Variants in HCK observed in about 807,000 individuals in gnomAD.
HCK encodes HCK proto-oncogene, Src family tyrosine kinase.
HCK carries 40 observed loss-of-function variants against 70.4 expected under a neutral mutation model. The ratio of observed to expected loss-of-function variants is 0.57; its 90% confidence interval spans 0.44 to 0.74. The LOEUF is 0.74. Among genes scored for constraint, HCK ranks in the 30% least tolerant of loss-of-function variants. HCK has a pLI of 0.00. For synonymous variants in HCK, 245 were observed against 263.2 expected (o/e 0.93, Z 0.67); for missense variants, 568 against 697.2 (o/e 0.81, Z 2.09).
chr20:32,071,646 C>T lies in HCK; in HGVS notation c.63-16C>T. The stretch of plus-strand genomic sequence containing the variant: ...CTCTTGGTAACTGGGGCTCACCTCC[C>T]TTCTGTCTGCTGCAGGATGGGGTGC... On this transcript the variant is annotated splice_polypyrimidine_tract_variant and intron_variant, in intron 1 of 12. Transcript: ENST00000375852. The T allele has an allele frequency of 1.9e-6, 3 of 1,612,704 alleles. No homozygotes were observed. Among genetic ancestry groups the T allele is most frequent in the Non-Finnish European group, 2.5e-6 (3 of 1,179,224 alleles).
At chr20:32,060,343 C>G (rs1381547514) in intron 1 of HCK, among the ~76,000 whole-genome samples, 3 of 152,172 alleles carry the variant, frequency 2.0e-5, no homozygotes, top group African/African-American at 7.2e-5. Context: ...GCCTTAGCCT[C>G]CCAAGTAGCT....
chr20:32,063,488 A>G (rs1282447957), intron 1 of HCK, among the ~76,000 whole-genome samples: 2 of 151,940 alleles, frequency 1.3e-5, no homozygotes, highest in Admixed American at 6.6e-5. Flanking sequence ...GCTCAAAGCA[A>G]TCCTCCCACC....
intron 12 of HCK, among the ~76,000 whole-genome samples, chr20:32,100,813 G>A (rs1224832326): frequency 6.6e-6 from 1 of 152,162 alleles, no homozygotes; most frequent in African/African-American, 2.4e-5. Flanking sequence ...CACAATAGAC[G>A]CTGAATCCAT....
chr20:32,068,962 T>G (rs1185535562), intron 1 of HCK, among the ~76,000 whole-genome samples: 1 of 152,010 alleles, frequency 6.6e-6, no homozygotes, highest in East Asian at 1.9e-4. Flanking sequence ...AATCACACTT[T>G]ATTGTGCAAA....
At chr20:32,069,263 C>A (rs926658053) in intron 1 of HCK, among the ~76,000 whole-genome samples, 1 of 152,216 alleles carries the variant, frequency 6.6e-6, no homozygotes, top group Non-Finnish European at 1.5e-5. Flanking sequence ...GAACACAGGT[C>A]TTCTGAGACC....
intron 1 of HCK, among the ~76,000 whole-genome samples, chr20:32,069,310 C>T (rs1326180687): frequency 6.6e-6 from 1 of 152,198 alleles, no homozygotes; most frequent in African/African-American, 2.4e-5. Flanking sequence ...TGAATATGTA[C>T]ATTGATCACG....
Position 32,052,497 on chromosome 20 carries a change from C to T in HCK, c.62+11C>T. On this transcript the variant is annotated intron_variant, in intron 1 of 12. Transcript: ENST00000375852. ...GGAGCGGGCGCCCAGGTGAGTGCCG[C>T]GCACAGGGGACCGGGAATACCCGGC... The T allele has an allele frequency of 7.9e-7, 1 of 1,264,114 alleles. No individual in the cohort carries two copies. Among genetic ancestry groups the T allele is most frequent in the Non-Finnish European group, 1.0e-6 (1 of 996,770 alleles). 78.3% of individuals were successfully genotyped at this position (1,264,114 alleles called of 1,614,324 possible). A position where few individuals can be genotyped will look rare whatever the true frequency, so the allele number is the denominator to read the frequency against.
At chr20:32,085,077 G>T (rs751384881) in intron 8 of HCK, among the ~76,000 whole-genome samples, 25 of 152,250 alleles carry the variant, frequency 1.6e-4, no homozygotes, top group Non-Finnish European at 3.1e-4. Flanking sequence ...TGCCAGCCCA[G>T]TGTGGGGCAG....
chr20:32,052,486 G>T lies in HCK; in HGVS notation c.62G>T (p.Arg21Met). 1.6e-6 allele frequency: 2 copies of T among 1,265,542 alleles called. No homozygotes were observed. The highest frequency in any genetic ancestry group is 2.0e-6 in the Non-Finnish European group (2 of 997,520). The allele number at this position is 1,265,542 out of a possible 1,614,324, so 78.4% of individuals were successfully genotyped here. A position where few individuals can be genotyped will look rare whatever the true frequency, so the allele number is the denominator to read the frequency against. The change falls in exon 1 of 13, where the codon AGG becomes ATG. Residue 21 changes from arginine (R) to methionine (M), a missense_variant and splice_region_variant. Physicochemically the swap from Arg to Met is moderately conservative, Grantham distance 91. Around this residue, in one of 4 missense-constraint regions of HCK, gnomAD observed 318 missense variants for 336.0 expected, o/e 0.95. Coordinates refer to ENST00000375852, the MANE Select transcript of HCK (RefSeq NM_002110.5). ...CCGCGAGACGAGGAGCGGGCGCCCA[G>T]GTGAGTGCCGCGCACAGGGGACCGG...
intron 1 of HCK, 144 bp from the exon 2 acceptor site, chr20:32,071,518 T>C (rs910324220): frequency 4.2e-6 from 4 of 963,604 alleles, no homozygotes; most frequent in Non-Finnish European, 4.7e-6. Context: ...AGGATAAGGG[T>C]GCATGGAGCT....
At chr20:32,099,181 G>A (rs768980393) in intron 12 of HCK, 46 bp downstream of exon 12, 1 of 1,593,880 alleles carries the variant, frequency 6.3e-7, no homozygotes, top group South Asian at 1.1e-5. Context: ...GGCCCAGTCT[G>A]GCAATGGGCT....
At chr20:32,091,139 C>G (rs1183433620) in intron 10 of HCK, among the ~76,000 whole-genome samples, 1 of 152,240 alleles carries the variant, frequency 6.6e-6, no homozygotes. Flanking sequence ...AGCTATTACC[C>G]TCTGCTGTCT....
chr20:32,058,748 C>A, intron 1 of HCK, among the ~76,000 whole-genome samples: 1 of 152,002 alleles, frequency 6.6e-6, no homozygotes, highest in East Asian at 1.9e-4. Context: ...ATTCCAGAGA[C>A]CCTCCTAGGG....
At chr20:32,076,736 G>A (rs552398309) in intron 5 of HCK, among the ~76,000 whole-genome samples, 1 of 152,264 alleles carries the variant, frequency 6.6e-6, no homozygotes, top group South Asian at 2.1e-4. Flanking sequence ...GTTCTTGGGT[G>A]AGGCAGCTGC....
At chr20:32,079,698 G>A in intron 5 of HCK, 76 bp from the exon 6 acceptor site, 1 of 954,626 alleles carries the variant, frequency 1.0e-6, no homozygotes, top group Non-Finnish European at 1.7e-6. Flanking sequence ...GACCTGCATG[G>A]CCACAGGCAT....
At chr20:32,101,244 G>C in intron 12 of HCK, 73 bp from the exon 13 acceptor site, 2 of 1,376,348 alleles carry the variant, frequency 1.5e-6, no homozygotes, top group Admixed American at 3.8e-5. Flanking sequence ...TGCTGGGGAG[G>C]CCACAGGGCC....
intron 11 of HCK, among the ~76,000 whole-genome samples, chr20:32,094,896 G>A (rs1600746112): frequency 6.6e-6 from 1 of 152,108 alleles, no homozygotes; most frequent in Admixed American, 6.5e-5. Flanking sequence ...ACCAAAATGG[G>A]TAACTCTCAC....
At position 32,094,802 on chromosome 20, in the gene HCK, A is replaced by AGAGAGAAAGAG. The variant is rs879290871; in HGVS notation, c.1246+786_1246+787insGAGAGAAAGAG. ...GAGAGAGAAAGAGAAAGAAAGAAAGAAAGAAAGAAAGAAAGAAAGAAAGAA... is the reference window on the plus strand; with the variant it reads ...GAGAGAGAAAGAGAAAGAAAGAAAGAGAGAGAAAGAGAAGAAAGAAAGAAAGAAAGAAAGAA... On this transcript the variant is annotated intron_variant, in intron 11 of 12. Transcript: ENST00000375852. Among the ~76,000 whole-genome samples the AGAGAGAAAGAG allele has an allele frequency of 2.8e-3, 220 of 78,450 alleles. 2 individuals are homozygous for AGAGAGAAAGAG. Among genetic ancestry groups the AGAGAGAAAGAG allele is most frequent in the African/African-American group, 8.1e-3 (215 of 26,612 alleles). The allele number at this position is 78,450 out of a possible 152,430, so 51.5% of individuals were successfully genotyped here. A position where few individuals can be genotyped will look rare whatever the true frequency, so the allele number is the denominator to read the frequency against.
At chr20:32,071,983 T>C (rs1209460142) in intron 2 of HCK, 1 of 621,276 alleles carries the variant, frequency 1.6e-6, no homozygotes, top group African/African-American at 1.9e-5. Context: ...TCATCTCTCT[T>C]TCCTGCAGCC....
Sources: allele counts gnomAD v4.1 joint callset (sites outside exome capture counted in the v4.1 genomes callset), GRCh38; gene constraint gnomAD v4.1.1; regional missense constraint gnomAD v4.1.1; transcripts MANE v1.5; gene names NCBI Gene and HGNC (gene_info 2026-07-23, HGNC 2026-07-21).